Variants in SHANK2 observed in about 807,000 individuals in gnomAD.
SHANK2 encodes the protein SH3 and multiple ankyrin repeat domains protein 2.
A neutral mutation model predicts 133.7 loss-of-function variants in SHANK2; 43 were observed. The ratio of observed to expected loss-of-function variants is 0.32; its 90% CI spans 0.25 to 0.41. The LOEUF (loss-of-function observed/expected upper bound fraction) is 0.41, where lower values mean the gene tolerates loss of function less well. Ranked by LOEUF, SHANK2 falls within the 10% of genes least tolerant of loss-of-function variation. The pLI is 1.00. For synonymous variants in SHANK2, 1,017 were observed against 952.8 expected (o/e 1.07, Z -1.24); for missense variants, 1,994 against 2,235.8 (o/e 0.89, Z 2.18).
chr11:70,795,228 C>T (rs1947880860), intron 14 of SHANK2, among the ~76,000 whole-genome samples: 1 of 151,994 alleles, frequency 6.6e-6, no homozygotes, highest in Non-Finnish European at 1.5e-5. Context: ...GATGGCTCCT[C>T]CCTAGGATGC....
intron 6 of SHANK2, among the ~76,000 whole-genome samples, chr11:71,109,713 C>T (rs7123599): frequency 0.16 from 24,609 of 152,340 alleles, 2,372 homozygotes; most frequent in South Asian, 0.3. Flanking sequence ...GCACTGAACA[C>T]CTGCCGTGCT....
At chr11:70,744,248 C>G (rs1196469690) in intron 14 of SHANK2, among the ~76,000 whole-genome samples, 1 of 152,254 alleles carries the variant, frequency 6.6e-6, no homozygotes, top group Admixed American at 6.5e-5. Flanking sequence ...TGGCCTCCCC[C>G]AGGAAGCTCC....
chr11:70,615,593 G>T (rs547902779), intron 17 of SHANK2, among the ~76,000 whole-genome samples: 1 of 152,222 alleles, frequency 6.6e-6, no homozygotes, highest in Non-Finnish European at 1.5e-5. Flanking sequence ...AGCCTTACAG[G>T]CTGGCTCGGC....
chr11:70,848,703 G>T (rs782045007), intron 11 of SHANK2, among the ~76,000 whole-genome samples: 1 of 152,202 alleles, frequency 6.6e-6, no homozygotes, highest in Non-Finnish European at 1.5e-5. Flanking sequence ...CCTTTACCTT[G>T]AAAGGTAAAT....
chr11:70,539,921 C>T (rs952735321), intron 17 of SHANK2, among the ~76,000 whole-genome samples: 41 of 152,100 alleles, frequency 2.7e-4, no homozygotes, highest in African/African-American at 9.4e-4. Flanking sequence ...ATTTTTGTGC[C>T]CCTGGTGGTG....
chr11:70,834,151 T>C (rs547687136), intron 11 of SHANK2, among the ~76,000 whole-genome samples: 17 of 152,358 alleles, frequency 1.1e-4, no homozygotes, highest in African/African-American at 4.1e-4. Flanking sequence ...CGGAGATTTA[T>C]TAAGGCTCCA....
chr11:70,645,523 C>T (rs570392069), intron 17 of SHANK2, among the ~76,000 whole-genome samples: 3 of 152,174 alleles, frequency 2.0e-5, no homozygotes, highest in South Asian at 2.1e-4. Flanking sequence ...AATGTCTTCC[C>T]GGAAAAGATG....
intron 17 of SHANK2, among the ~76,000 whole-genome samples, chr11:70,513,095 G>A (rs150223052): frequency 3.7e-4 from 56 of 152,102 alleles, no homozygotes; most frequent in African/African-American, 1.3e-3. Flanking sequence ...GCAGATTTTA[G>A]ATGAGAGTTG....
chr11:70,798,327 G>C (rs181247313), intron 14 of SHANK2, 116 bp downstream of exon 14: 32 of 680,392 alleles, frequency 4.7e-5, no homozygotes, highest in South Asian at 4.4e-4. Flanking sequence ...TCCTGAATTC[G>C]CAACTCAGCC....
chr11:70,578,412 T>G (rs2060143561), intron 17 of SHANK2, among the ~76,000 whole-genome samples: 1 of 152,132 alleles, frequency 6.6e-6, no homozygotes, highest in South Asian at 2.1e-4. Context: ...GTGATGTTGT[T>G]GGCACAGAAG....
At chr11:70,707,626 T>G (rs1222429279) in intron 14 of SHANK2, among the ~76,000 whole-genome samples, 1 of 152,088 alleles carries the variant, frequency 6.6e-6, no homozygotes, top group African/African-American at 2.4e-5. Flanking sequence ...CCTCCAAGCC[T>G]CAGTTTTCTC....
chr11:71,159,971 GAAA>G (rs34199845), intron 2 of SHANK2, among the ~76,000 whole-genome samples: 2 of 114,074 alleles, frequency 1.8e-5, no homozygotes, highest in African/African-American at 6.4e-5. Context: ...TGGGTGGCAG[GAAA>G]AAAAAAAAAA....
chr11:71,138,806 AAG>A lies in SHANK2; in HGVS notation c.207+8312_207+8313del, dbSNP rs1491213541. Among the ~76,000 whole-genome samples, 126 of 125,262 alleles carry A rather than the reference AAG, an allele frequency of 1.0e-3. 1 individual carries two copies. The highest frequency in any genetic ancestry group is 5.9e-3 in the African/African-American group (122 of 20,754). The allele number at this position is 125,262 out of a possible 152,430, so 82.2% of individuals were successfully genotyped here. ...ACCCTATCTCAAAAAAAAAAAAAAA[AAG>A]AAAAGAAAAAGAAAAAGAAAAAGAA... On this transcript the variant is annotated intron_variant, in intron 3 of 25. Transcript: ENST00000601538.
At chr11:70,831,372 C>G (rs1555058389) in intron 11 of SHANK2, among the ~76,000 whole-genome samples, 1 of 152,146 alleles carries the variant, frequency 6.6e-6, no homozygotes, top group Non-Finnish European at 1.5e-5. Context: ...AGGGTCACCC[C>G]CAAATGAACC....
intron 2 of SHANK2, among the ~76,000 whole-genome samples, chr11:71,210,527 G>A (rs1242572514): frequency 2.6e-5 from 4 of 151,842 alleles, no homozygotes; most frequent in African/African-American, 7.3e-5. Flanking sequence ...TGGGATTACA[G>A]GTGTGAGCCA....
chr11:70,811,284 T>G (rs192035965), intron 12 of SHANK2, among the ~76,000 whole-genome samples: 274 of 152,300 alleles, frequency 1.8e-3, no homozygotes, highest in Non-Finnish European at 3.1e-3. Flanking sequence ...ACACAGCAGC[T>G]GCTTAAGTCC....
rs192229491 is a variant in SHANK2 at position 70,594,207 on chromosome 11, G to A, written c.2061+65621C>T. Among the ~76,000 whole-genome samples, 59 of 152,320 alleles carry A rather than the reference G, an allele frequency of 3.9e-4. No individual in the cohort carries two copies. In the East Asian group the frequency reaches 7.3e-3, roughly 19 times the overall value. ...TACCCACACCATTGGATATGATTCG[G>A]CCACAAAAAGGACCGCAGCTTTGAC... On this transcript the variant is annotated intron_variant, in intron 17 of 25. Transcript: ENST00000601538.
intron 11 of SHANK2, among the ~76,000 whole-genome samples, chr11:70,878,511 A>T (rs1295436771): frequency 6.6e-6 from 1 of 152,210 alleles, no homozygotes; most frequent in Non-Finnish European, 1.5e-5. Context: ...AACCCACAGG[A>T]ACCCAGGGAC....
intron 24 of SHANK2, among the ~76,000 whole-genome samples, chr11:70,488,053 G>A (rs943621338): frequency 6.6e-6 from 1 of 152,232 alleles, no homozygotes; most frequent in Non-Finnish European, 1.5e-5. Context: ...TGCAGGCCAA[G>A]TGGGCAGCTC....
Sources: gnomAD v4.1 joint callset for allele counts (sites outside exome capture counted in the v4.1 genomes callset) on GRCh38, gnomAD v4.1.1 for gene constraint, MANE v1.5 for transcripts, NCBI Gene and HGNC (gene_info 2026-07-23, HGNC 2026-07-21) for gene names.